Variants in PKIG observed in about 807,000 individuals in gnomAD.
The protein encoded by PKIG is cAMP-dependent protein kinase inhibitor gamma.
A neutral mutation model predicts 6.8 loss-of-function variants in PKIG; 1 was observed. The observed-to-expected ratio is 0.15, with a 90% CI of 0.05 to 0.69. The LOEUF (loss-of-function observed/expected upper bound fraction) is 0.69, where lower values mean the gene tolerates loss of function less well. Ranked by LOEUF, PKIG falls within the 30% of genes least tolerant of loss-of-function variation. The probability of loss-of-function intolerance (pLI) is 0.82; values close to 1 mark genes in which losing one functional copy is unlikely to be tolerated. For missense variants in PKIG, 77 were observed against 104.0 expected (o/e 0.74, Z 1.13); for synonymous variants, 39 against 43.0 (o/e 0.91, Z 0.36).
In PKIG at chr20:44,602,084, G is replaced by A. The variant is rs888883586; in HGVS notation, c.-24+12218G>A. 3.9e-5 allele frequency among the ~76,000 whole-genome samples: 6 copies of A among 152,340 alleles called. No individual in the cohort carries two copies. The East Asian group carries it at 5.8e-4, about 15-fold the overall frequency. ...TTCACCCTTTGTCCTGGGCATTCAAGGTCAATCACATGTCTGGCAATCATC... is the reference window on the plus strand; with the variant it reads ...TTCACCCTTTGTCCTGGGCATTCAAAGTCAATCACATGTCTGGCAATCATC... On this transcript the variant is annotated intron_variant, in intron 2 of 3. Coordinates refer to ENST00000372886, the MANE Select transcript of PKIG (RefSeq NM_001281445.2).
chr20:44,545,009 C>T (rs1239784047), intron 1 of PKIG, among the ~76,000 whole-genome samples: 2 of 122,172 alleles, frequency 1.6e-5, no homozygotes, highest in African/African-American at 6.3e-5. Flanking sequence ...AATCTTGGTT[C>T]ACTACAACCT....
intron 1 of PKIG, among the ~76,000 whole-genome samples, chr20:44,533,569 T>G (rs1487485973): frequency 2.6e-5 from 4 of 152,058 alleles, no homozygotes; most frequent in Admixed American, 6.6e-5. Context: ...CTGAGTTAGC[T>G]ATCGTGGGGA....
chr20:44,558,245 A>T (rs1156623631), intron 1 of PKIG, among the ~76,000 whole-genome samples: 2 of 152,180 alleles, frequency 1.3e-5, no homozygotes, highest in East Asian at 3.8e-4. Context: ...GGTAGTTAAC[A>T]TTTATGGAAC....
At chr20:44,544,869 C>T (rs1416093350) in intron 1 of PKIG, among the ~76,000 whole-genome samples, 1 of 147,404 alleles carries the variant, frequency 6.8e-6, no homozygotes, top group Non-Finnish European at 1.5e-5. Context: ...GCAGTTTTTA[C>T]ATTGACTTTC....
chr20:44,597,037 G>A (rs1056888244), intron 2 of PKIG, among the ~76,000 whole-genome samples: 3 of 152,000 alleles, frequency 2.0e-5, no homozygotes, highest in African/African-American at 7.3e-5. Flanking sequence ...CCTCTGCCTC[G>A]CATACTTAGA....
chr20:44,544,675 G>A (rs896015350), intron 1 of PKIG, among the ~76,000 whole-genome samples: 1 of 152,162 alleles, frequency 6.6e-6, no homozygotes, highest in African/African-American at 2.4e-5. Flanking sequence ...ACATCTCATT[G>A]TCCATTCTTA....
intron 1 of PKIG, among the ~76,000 whole-genome samples, chr20:44,558,754 T>TTTTC (rs992890130): frequency 6.6e-6 from 1 of 151,378 alleles, no homozygotes. Flanking sequence ...TTTCTTTTCA[T>TTTTC]TTTCTTTCTT....
chr20:44,610,498 T>TCA (rs1379954369), intron 2 of PKIG, among the ~76,000 whole-genome samples: 8 of 119,638 alleles, frequency 6.7e-5, no homozygotes, highest in East Asian at 4.5e-4. Flanking sequence ...TCTCTCTCTC[T>TCA]CTCACACACA....
chr20:44,544,578 C>T (rs958077957), intron 1 of PKIG, among the ~76,000 whole-genome samples: 5 of 152,134 alleles, frequency 3.3e-5, no homozygotes, highest in African/African-American at 7.2e-5. Context: ...TCTAGCCAAA[C>T]GGTCTTTGAG....
At chr20:44,531,990 C>T (rs892730136) in intron 1 of PKIG, 17 of 152,246 alleles carry the variant, frequency 1.1e-4, no homozygotes, top group African/African-American at 3.9e-4. Context: ...TGAGCAGGAG[C>T]CGGGCGGCCG....
chr20:44,587,693 A>G (rs1040060409), intron 1 of PKIG, among the ~76,000 whole-genome samples: 7 of 152,148 alleles, frequency 4.6e-5, no homozygotes, highest in Non-Finnish European at 1.0e-4. Context: ...ATCATCACTC[A>G]GTGATTTCAC....
intron 2 of PKIG, among the ~76,000 whole-genome samples, chr20:44,607,327 GTGTGTT>G (rs1302693946): frequency 6.7e-6 from 1 of 149,204 alleles, no homozygotes; most frequent in African/African-American, 2.5e-5. Flanking sequence ...GTGTGTGTGT[GTGTGTT>G]TGTGTGTGTA....
At chr20:44,592,899 T>G (rs2065044692) in intron 2 of PKIG, among the ~76,000 whole-genome samples, 1 of 152,178 alleles carries the variant, frequency 6.6e-6, no homozygotes, top group Non-Finnish European at 1.5e-5. Context: ...CAGAATTAAT[T>G]CCATTCCTAT....
chr20:44,535,325 A>G (rs2064502590), intron 1 of PKIG, among the ~76,000 whole-genome samples: 1 of 152,092 alleles, frequency 6.6e-6, no homozygotes, highest in Admixed American at 6.6e-5. Context: ...ATCATGAGAT[A>G]TTGACTATCA....
intron 2 of PKIG, among the ~76,000 whole-genome samples, chr20:44,594,448 G>A (rs1301479820): frequency 1.3e-5 from 2 of 152,114 alleles, no homozygotes; most frequent in East Asian, 3.8e-4. Context: ...ACCTTTTCAG[G>A]TTCCTAGGAG....
intron 2 of PKIG, 27 bp downstream of exon 2, chr20:44,589,893 A>G (rs1247231364): frequency 6.6e-6 from 1 of 152,410 alleles, no homozygotes; most frequent in Non-Finnish European, 1.5e-5. Flanking sequence ...TTCATACTCT[A>G]CTGCCAGAGC....
At chr20:44,597,069 T>C (rs191649398) in intron 2 of PKIG, among the ~76,000 whole-genome samples, 37 of 152,256 alleles carry the variant, frequency 2.4e-4, no homozygotes, top group Admixed American at 2.0e-3. Flanking sequence ...AAGTGGTTTC[T>C]AAACTCCTCT....
chr20:44,597,360 C>T (rs6017366), intron 2 of PKIG, among the ~76,000 whole-genome samples: 10,728 of 151,832 alleles, frequency 0.071, 403 homozygotes, highest in South Asian at 0.15. Context: ...TTAAGAATTA[C>T]GGGCTTATGA....
intron 1 of PKIG, among the ~76,000 whole-genome samples, chr20:44,532,399 A>G (rs773403295): frequency 6.6e-6 from 1 of 152,176 alleles, no homozygotes; most frequent in African/African-American, 2.4e-5. Context: ...CGTTATTACA[A>G]GGTAAATTTA....
Sources: gnomAD v4.1 joint callset for allele counts (sites outside exome capture counted in the v4.1 genomes callset) on GRCh38, gnomAD v4.1.1 for gene constraint, MANE v1.5 for transcripts, NCBI Gene and HGNC (gene_info 2026-07-23, HGNC 2026-07-21) for gene names.